Variants in PCLO observed in about 807,000 individuals in gnomAD.
The protein encoded by PCLO is piccolo presynaptic cytomatrix protein, also known as protein piccolo.
Under a neutral mutation model 427.5 loss-of-function variants are expected in PCLO, and 82 were observed. The observed-to-expected ratio is 0.19, with a 90% confidence interval of 0.16 to 0.23. The LOEUF is 0.23. Among genes scored for constraint, PCLO ranks in the 10% least tolerant of loss-of-function variants. The pLI is 1.00. For synonymous variants in PCLO, 2,357 were observed against 2,155.4 expected, an observed-to-expected ratio of 1.09 and a Z score of -2.59; for missense variants, 6,239 against 6,115.9, an observed-to-expected ratio of 1.02 and a Z score of -0.67.
chr7:82,923,721 T>C (rs1794649165), intron 6 of PCLO, among the ~76,000 whole-genome samples: 1 of 152,116 alleles, frequency 6.6e-6, no homozygotes, highest in Non-Finnish European at 1.5e-5. Context: ...TTTAATGTTT[T>C]CCTATGACAG....
At position 83,156,065 on chromosome 7, in the gene PCLO, T is replaced by C. The variant is rs757494821; in HGVS notation, c.576A>G (p.Lys192=). ...SEASQEETTK[K]QKVVQKEQGK... ...CTTGCTCCTTCTGAACCACTTTTTG[T>C]TTCTTGGTGGTTTCTTCCTGGGATG... is the stretch of plus-strand genomic sequence containing the variant. Residue 192 remains lysine (K), a synonymous_variant, in exon 2 of 25, where the codon AAA becomes AAG. Coordinates refer to ENST00000333891, the MANE Select transcript of PCLO (RefSeq NM_033026.6). The C allele has an allele frequency of 1.2e-6, 2 of 1,613,784 alleles. No individual in the cohort carries two copies. Among genetic ancestry groups the C allele is most frequent in the Non-Finnish European group, 1.7e-6 (2 of 1,179,864 alleles).
chr7:82,954,737 T>C lies in PCLO; in HGVS notation c.6216A>G (p.Gln2072=), dbSNP rs1260801677. 6.2e-7 allele frequency: 1 copy of C among 1,613,856 alleles called. No individual in the cohort carries two copies. Among genetic ancestry groups the C allele is most frequent in the South Asian group, 1.1e-5 (1 of 91,074 alleles). The change falls in exon 5 of 25, where the codon CAA becomes CAG. Residue 2072 remains glutamine, a synonymous_variant. Transcript: ENST00000333891. Reference sequence around the variant, plus strand: ...TAGATCCAGGTGTTAATTGCATCTGTTGCCTCTTCATAAGTTCTTCATAGG... The same window carrying C: ...TAGATCCAGGTGTTAATTGCATCTGCTGCCTCTTCATAAGTTCTTCATAGG... ...DAAYEELMKR[Q]QMQLTPGSSP...
At chr7:82,865,636 G>T (rs1793073994) in intron 10 of PCLO, among the ~76,000 whole-genome samples, 1 of 152,114 alleles carries the variant, frequency 6.6e-6, no homozygotes, top group African/African-American at 2.4e-5. Context: ...GCTGTATTAT[G>T]CAGGGATTTA....
At chr7:83,080,909 T>A (rs1261966001) in intron 3 of PCLO, among the ~76,000 whole-genome samples, 2 of 151,702 alleles carry the variant, frequency 1.3e-5, no homozygotes, top group African/African-American at 4.8e-5. Flanking sequence ...TGGTAAGAGA[T>A]TAGCAACAAT....
At chr7:83,139,528 C>T (rs1347159150) in intron 2 of PCLO, among the ~76,000 whole-genome samples, 1 of 152,118 alleles carries the variant, frequency 6.6e-6, no homozygotes, top group Non-Finnish European at 1.5e-5. Flanking sequence ...AAATGATTCA[C>T]TGTGGTTTAT....
At chr7:83,117,464 T>C (rs528880856) in intron 3 of PCLO, among the ~76,000 whole-genome samples, 3 of 152,228 alleles carry the variant, frequency 2.0e-5, no homozygotes, top group African/African-American at 7.2e-5. Context: ...ATGTCAACAA[T>C]GCAAGGTCTT....
chr7:82,801,468 C>T (rs764458167), intron 22 of PCLO, 50 bp downstream of exon 22: 1 of 921,026 alleles, frequency 1.1e-6, no homozygotes, highest in South Asian at 1.3e-5. Context: ...AACACTTATA[C>T]TGTAGAATGC....
chr7:83,022,012 G>A (rs1788356176), intron 3 of PCLO, among the ~76,000 whole-genome samples: 2 of 152,194 alleles, frequency 1.3e-5, no homozygotes, highest in South Asian at 4.1e-4. Context: ...CTGAATGTAT[G>A]TGTTCCTCCA....
At chr7:83,137,739 AT>A (rs2116627308) in intron 2 of PCLO, among the ~76,000 whole-genome samples, 1 of 152,132 alleles carries the variant, frequency 6.6e-6, no homozygotes, top group East Asian at 1.9e-4. Flanking sequence ...GGCCATGGAT[AT>A]TCATTATATT....
At position 82,805,691 on chromosome 7, in the gene PCLO, C is replaced by G; in HGVS notation, c.14930G>C (p.Arg4977Thr). 6.2e-7 allele frequency: 1 copy of G among 1,612,412 alleles called. No homozygotes were observed. Among genetic ancestry groups the G allele is most frequent in the South Asian group, 1.1e-5 (1 of 90,672 alleles). Residue 4977 changes from arginine to threonine, a missense_variant, in exon 21 of 25, where the codon AGG (arginine) becomes ACG (threonine). Around this residue, in one of 5 missense-constraint regions of PCLO, gnomAD observed 877 missense variants for 925.5 expected, o/e 0.95. Coordinates refer to ENST00000333891, the MANE Select transcript of PCLO (RefSeq NM_033026.6). Reference sequence around the variant, plus strand: ...TAACAAAAAGAGACCCACTTACATCCTCGGAATAGGAAATAGATTAGTCTC... The same window carrying G: ...TAACAAAAAGAGACCCACTTACATCGTCGGAATAGGAAATAGATTAGTCTC... ...AGETNLFPIP[R>T]IGKMGQNGQE...
chr7:82,802,722 T>C (rs1247641461), intron 21 of PCLO, among the ~76,000 whole-genome samples: 1 of 152,180 alleles, frequency 6.6e-6, no homozygotes, highest in African/African-American at 2.4e-5. Flanking sequence ...ATAACTTTCA[T>C]AGGAAGTATT....
intron 20 of PCLO, among the ~76,000 whole-genome samples, chr7:82,816,864 T>C (rs1238364454): frequency 3.9e-5 from 6 of 152,108 alleles, no homozygotes; most frequent in Non-Finnish European, 7.4e-5. Flanking sequence ...TACCCATTGA[T>C]GGTAGGTCAG....
rs755219420 is a variant in PCLO at position 82,954,437 on chromosome 7, A to G, written c.6516T>C (p.Ser2172=). Residue 2172 remains serine (S), a synonymous_variant, in exon 5 of 25, where the codon AGT becomes AGC. Coordinates refer to ENST00000333891, the MANE Select transcript of PCLO (RefSeq NM_033026.6). The part of the protein sequence containing the change: ...LILTYSEPSE[S]ATSVPPSDTP... ...TGTCAGAGGGTGGGACAGATGTAGC[A>G]CTTTCTGAAGGCTCCGAGTAGGTCA... 159 of 1,613,834 alleles carry G rather than the reference A, an allele frequency of 9.9e-5. 1 individual carries two copies. The highest frequency in any genetic ancestry group is 1.6e-4 in the Middle Eastern group (1 of 6,084).
chr7:83,054,389 A>G (rs1302334631), intron 3 of PCLO, among the ~76,000 whole-genome samples: 1 of 152,046 alleles, frequency 6.6e-6, no homozygotes, highest in Non-Finnish European at 1.5e-5. Context: ...CCTTTTTAGG[A>G]ACTGGCATAA....
chr7:82,930,218 C>T (rs1183179907), intron 6 of PCLO, among the ~76,000 whole-genome samples: 1 of 151,866 alleles, frequency 6.6e-6, no homozygotes, highest in East Asian at 1.9e-4. Flanking sequence ...GACACATGGA[C>T]AAATAAATGA....
chr7:83,056,621 T>C (rs1034204310), intron 3 of PCLO, among the ~76,000 whole-genome samples: 1 of 152,178 alleles, frequency 6.6e-6, no homozygotes, highest in Admixed American at 6.5e-5. Flanking sequence ...TTATTTCGAA[T>C]ATCCTTAAAA....
chr7:82,771,796 G>A (rs1790652947), intron 22 of PCLO, among the ~76,000 whole-genome samples: 1 of 152,048 alleles, frequency 6.6e-6, no homozygotes, highest in African/African-American at 2.4e-5. Context: ...TTATTTATGG[G>A]GAGATTAGCA....
chr7:82,766,934 A>G lies in PCLO; in HGVS notation c.15008-5441T>C, dbSNP rs544572488. 3.3e-5 allele frequency among the ~76,000 whole-genome samples: 5 copies of G among 152,298 alleles called. No homozygotes were observed. The South Asian group carries it at 1.0e-3, about 32-fold the overall frequency. On this transcript the variant is annotated intron_variant, in intron 22 of 24. Coordinates refer to ENST00000333891, the MANE Select transcript of PCLO (RefSeq NM_033026.6). ...TTGTTCTTTGCTACTAAAGGAAGAA[A>G]GGACGTGCTTACTGAGGTTGTCTCA... is the stretch of plus-strand genomic sequence containing the variant.
At chr7:82,812,669 GT>G (rs1372500656) in intron 20 of PCLO, among the ~76,000 whole-genome samples, 1 of 151,592 alleles carries the variant, frequency 6.6e-6, no homozygotes, top group East Asian at 1.9e-4. Flanking sequence ...CTGAGTTCCG[GT>G]TTGGTGCTAT....
Sources: gnomAD v4.1 joint callset for allele counts (sites outside exome capture counted in the v4.1 genomes callset) on GRCh38, gnomAD v4.1.1 for gene constraint, gnomAD v4.1.1 regional missense constraint, MANE v1.5 for transcripts, NCBI Gene and HGNC (gene_info 2026-07-23, HGNC 2026-07-21) for gene names.